The following CARMIL1 variants were observed in gnomAD, a reference collection of about 807,000 sequenced individuals.
CARMIL1 encodes the protein capping protein regulator and myosin 1 linker 1, also known as F-actin-uncapping protein LRRC16A.
Under a neutral mutation model 177.1 loss-of-function variants are expected in CARMIL1, and 90 were observed. That is an observed-to-expected ratio of 0.51 (90% confidence interval 0.43 to 0.61). CARMIL1 has a LOEUF of 0.61. CARMIL1 is among the 20% of genes least tolerant of loss of function. The probability of loss-of-function intolerance (pLI) is 0.00; values close to 1 mark genes in which losing one functional copy is unlikely to be tolerated. For missense variants in CARMIL1, 1,380 were observed against 1,667.0 expected (o/e 0.83, Z 3.00); for synonymous variants, 577 against 606.2 (o/e 0.95, Z 0.71).
chr6:25,430,523 G>C (rs536928887), intron 4 of CARMIL1, among the ~76,000 whole-genome samples: 1 of 151,274 alleles, frequency 6.6e-6, no homozygotes, highest in African/African-American at 2.4e-5. Flanking sequence ...TTCGCTTCTC[G>C]GGACCAAGCG....
At chr6:25,402,234 G>T (rs994228159) in intron 2 of CARMIL1, among the ~76,000 whole-genome samples, 1 of 151,860 alleles carries the variant, frequency 6.6e-6, no homozygotes, top group Non-Finnish European at 1.5e-5. Flanking sequence ...CAGGAAGATT[G>T]TTCAATTATA....
At chr6:25,310,418 G>A (rs149711755) in intron 2 of CARMIL1, among the ~76,000 whole-genome samples, 42 of 152,346 alleles carry the variant, frequency 2.8e-4, no homozygotes, top group African/African-American at 9.9e-4. Flanking sequence ...TGTGAATTCA[G>A]TTTAGTGAAT....
chr6:25,392,892 A>G (rs954980350), intron 2 of CARMIL1, among the ~76,000 whole-genome samples: 2 of 148,578 alleles, frequency 1.3e-5, no homozygotes, highest in African/African-American at 2.5e-5. Flanking sequence ...AGTGGATGGG[A>G]AAAAAAAAAC....
intron 2 of CARMIL1, among the ~76,000 whole-genome samples, chr6:25,302,235 C>G (rs1782911605): frequency 6.6e-6 from 1 of 152,176 alleles, no homozygotes; most frequent in African/African-American, 2.4e-5. Flanking sequence ...ATACAAGTAC[C>G]TCCATGCAGC....
At chr6:25,349,052 ATTCC>A (rs1180747293) in intron 2 of CARMIL1, among the ~76,000 whole-genome samples, 9 of 152,154 alleles carry the variant, frequency 5.9e-5, no homozygotes, top group African/African-American at 1.7e-4. Context: ...ATTTGTATTA[ATTCC>A]TTCCTTCCTT....
At chr6:25,510,056 C>T (rs909514341) in intron 18 of CARMIL1, among the ~76,000 whole-genome samples, 2 of 152,044 alleles carry the variant, frequency 1.3e-5, no homozygotes, top group Non-Finnish European at 2.9e-5. Context: ...AAATTGTACT[C>T]TTGTTTATTT....
At chr6:25,529,404 C>G (rs1807490035) in intron 24 of CARMIL1, among the ~76,000 whole-genome samples, 1 of 152,150 alleles carries the variant, frequency 6.6e-6, no homozygotes, top group Non-Finnish European at 1.5e-5. Context: ...CCTCTTCTCT[C>G]TACCCAGCTT....
At position 25,581,457 on chromosome 6, in the gene CARMIL1, GA is replaced by G. The variant is rs1813112858; in HGVS notation, c.3006+19del. 3 of 1,594,346 alleles carry G rather than the reference GA, an allele frequency of 1.9e-6. No homozygotes were observed. The highest frequency in any genetic ancestry group is 2.6e-6 in the Non-Finnish European group (3 of 1,169,762). On this transcript the variant is annotated intron_variant, in intron 31 of 36. Transcript: ENST00000329474. ...AAGCAGCGGTAGGTGGACTGCAGGA[GA>G]GGCCCCATCTCTCCCACACCCTTTT...
chr6:25,540,316 TAAAG>T, intron 26 of CARMIL1, among the ~76,000 whole-genome samples: 1 of 152,352 alleles, frequency 6.6e-6, no homozygotes, highest in African/African-American at 2.4e-5. Context: ...TTGCCACTGA[TAAAG>T]GAATGATTGA....
Position 25,355,480 on chromosome 6 carries a change from GA to G in CARMIL1, c.139-64628del, listed in dbSNP as rs34112802. Among the ~76,000 whole-genome samples the G allele has an allele frequency of 4.2e-3, 631 of 151,994 alleles. 11 individuals are homozygous for G. Among genetic ancestry groups the G allele is most frequent in the Admixed American group, 0.028 (430 of 15,268 alleles). On this transcript the variant is annotated intron_variant, in intron 2 of 36. Transcript: ENST00000329474. ...AAACATAGGGAGACTCTGTCTTTATGAAAAAAGAAAAAAAATTAATTGGGTG... is the reference window on the plus strand; with the variant it reads ...AAACATAGGGAGACTCTGTCTTTATGAAAAAGAAAAAAAATTAATTGGGTG...
chr6:25,422,625 G>A lies in CARMIL1; in HGVS notation c.189+2461G>A, dbSNP rs963816320. ...TCAATGAAGTTGGACTAAACTATAC[G>A]TTAAAATACCTGAAGGCATGATATG... is the stretch of plus-strand genomic sequence containing the variant. On this transcript the variant is annotated intron_variant, in intron 3 of 36. Coordinates refer to ENST00000329474, the MANE Select transcript of CARMIL1 (RefSeq NM_017640.6). Among the ~76,000 whole-genome samples, 3 of 152,110 alleles carry A rather than the reference G, an allele frequency of 2.0e-5. No homozygotes were observed. In the East Asian group the frequency reaches 5.8e-4, roughly 29 times the overall value.
At chr6:25,390,318 A>ATT (rs1271192027) in intron 2 of CARMIL1, among the ~76,000 whole-genome samples, 1,011 of 43,566 alleles carry the variant, frequency 0.023, 8 homozygotes, top group Middle Eastern at 0.056. Flanking sequence ...ATATATATAT[A>ATT]TATTTTTTTT....
At chr6:25,490,677 G>C (rs972714602) in intron 13 of CARMIL1, among the ~76,000 whole-genome samples, 2 of 151,570 alleles carry the variant, frequency 1.3e-5, no homozygotes, top group Non-Finnish European at 2.9e-5. Context: ...CAGCTTGGGC[G>C]ATAGAGCCAG....
intron 2 of CARMIL1, among the ~76,000 whole-genome samples, chr6:25,311,196 A>G (rs962517599): frequency 1.3e-5 from 2 of 152,138 alleles, no homozygotes; most frequent in African/African-American, 4.8e-5. Context: ...ACAAAACAAA[A>G]CACAAAAAAA....
intron 36 of CARMIL1, among the ~76,000 whole-genome samples, chr6:25,615,423 T>C (rs983632108): frequency 6.6e-6 from 1 of 152,260 alleles, no homozygotes; most frequent in Non-Finnish European, 1.5e-5. Flanking sequence ...CACATTTTTT[T>C]CATTTCATAT....
At chr6:25,367,883 C>T (rs745977040) in intron 2 of CARMIL1, among the ~76,000 whole-genome samples, 8 of 152,136 alleles carry the variant, frequency 5.3e-5, no homozygotes, top group South Asian at 2.1e-4. Flanking sequence ...CTCAGTCTCC[C>T]GAATAGCTGG....
chr6:25,469,303 A>G (rs1800895906), intron 9 of CARMIL1, among the ~76,000 whole-genome samples: 1 of 152,182 alleles, frequency 6.6e-6, no homozygotes, highest in South Asian at 2.1e-4. Context: ...TGGCTAGAGA[A>G]CTTGTGCCAC....
At chr6:25,390,180 A>G (rs1792603212) in intron 2 of CARMIL1, among the ~76,000 whole-genome samples, 1 of 151,466 alleles carries the variant, frequency 6.6e-6, no homozygotes, top group African/African-American at 2.4e-5. Context: ...TATGTTAGTA[A>G]ATTTGTTGCC....
intron 29 of CARMIL1, among the ~76,000 whole-genome samples, chr6:25,566,312 T>C (rs1811551838): frequency 6.6e-6 from 1 of 152,216 alleles, no homozygotes; most frequent in Non-Finnish European, 1.5e-5. Flanking sequence ...TCCTACATGG[T>C]CTGCCTTCTG....
Sources: gnomAD v4.1 joint callset for allele counts (sites outside exome capture counted in the v4.1 genomes callset) on GRCh38, gnomAD v4.1.1 for gene constraint, MANE v1.5 for transcripts, NCBI Gene and HGNC (gene_info 2026-07-23, HGNC 2026-07-21) for gene names.